The following MARCHF1 variants were observed in gnomAD, a reference collection of about 807,000 sequenced individuals.
MARCHF1 encodes E3 ubiquitin-protein ligase MARCHF1.
Under a neutral mutation model 54.2 loss-of-function variants are expected in MARCHF1, and 40 were observed. The ratio of observed to expected loss-of-function variants is 0.74; its 90% CI spans 0.57 to 0.96. MARCHF1 has a LOEUF of 0.96. Among genes scored for constraint, MARCHF1 ranks in the 40% least tolerant of loss-of-function variants. The pLI is 0.00. For synonymous variants in MARCHF1, 236 were observed against 236.3 expected (o/e 1.00, Z 0.01); for missense variants, 586 against 656.5 (o/e 0.89, Z 1.17).
chr4:163,743,639 C>T (rs958701845), intron 4 of MARCHF1, among the ~76,000 whole-genome samples: 1 of 143,420 alleles, frequency 7.0e-6, no homozygotes, highest in Middle Eastern at 3.9e-3. Flanking sequence ...AGGGCAGTGG[C>T]GCGATCTGGG....
At chr4:164,217,501 A>T (rs1362805052) in intron 1 of MARCHF1, among the ~76,000 whole-genome samples, 1 of 152,354 alleles carries the variant, frequency 6.6e-6, no homozygotes, top group African/African-American at 2.4e-5. Context: ...AGGATGGCCA[A>T]TTAGGGAGGG....
chr4:164,101,632 C>A (rs556273686), intron 2 of MARCHF1, among the ~76,000 whole-genome samples: 2 of 127,404 alleles, frequency 1.6e-5, no homozygotes, highest in South Asian at 5.8e-4. Context: ...TCATCAAAGA[C>A]CAAAAGTAGA....
At chr4:164,029,993 A>G (rs967891070) in intron 2 of MARCHF1, among the ~76,000 whole-genome samples, 1 of 152,232 alleles carries the variant, frequency 6.6e-6, no homozygotes, top group African/African-American at 2.4e-5. Context: ...ATTTGCAAGT[A>G]AAAAATTGAC....
At chr4:164,180,866 A>T (rs746076604) in intron 1 of MARCHF1, among the ~76,000 whole-genome samples, 1 of 152,278 alleles carries the variant, frequency 6.6e-6, no homozygotes, top group East Asian at 1.9e-4. Context: ...CCATTGCTCT[A>T]GTCCAACCTG....
intron 1 of MARCHF1, among the ~76,000 whole-genome samples, chr4:164,123,743 C>T (rs1756124435): frequency 6.6e-6 from 1 of 152,078 alleles, no homozygotes; most frequent in South Asian, 2.1e-4. Flanking sequence ...ACTGGATATT[C>T]ATATGCAGAA....
chr4:164,238,281 A>AAGTAAAT lies in MARCHF1; in HGVS notation c.-322-126626_-322-126620dup, dbSNP rs147364937. The stretch of plus-strand genomic sequence containing the variant: ...CCCATTCCTCTCTACTCCAGTGGTG[A>AAGTAAAT]AGTAAATATTAGAATAGACAAAGAG... On this transcript the variant is annotated intron_variant, in intron 1 of 9. Coordinates refer to ENST00000514618, the MANE Select transcript of MARCHF1 (RefSeq NM_001394959.1). Among the ~76,000 whole-genome samples, 1,424 of 152,168 alleles carry AAGTAAAT rather than the reference A, an allele frequency of 9.4e-3. 23 individuals carry two copies. Among genetic ancestry groups the AAGTAAAT allele is most frequent in the African/African-American group, 0.033 (1,358 of 41,546 alleles).
intron 2 of MARCHF1, among the ~76,000 whole-genome samples, chr4:164,080,891 A>G (rs1213229196): frequency 6.6e-6 from 1 of 152,070 alleles, no homozygotes; most frequent in Admixed American, 6.6e-5. Context: ...AGAGGGCTAA[A>G]CTAGATAAAT....
chr4:163,822,467 T>C (rs1372103657), intron 4 of MARCHF1, among the ~76,000 whole-genome samples: 1 of 151,944 alleles, frequency 6.6e-6, no homozygotes, highest in Admixed American at 6.6e-5. Context: ...TATAATAAAA[T>C]GTGACTCCTT....
At chr4:164,188,606 G>A (rs528085415) in intron 1 of MARCHF1, 2 of 882,060 alleles carry the variant, frequency 2.3e-6, no homozygotes, top group Admixed American at 1.7e-5. Context: ...ATATCTGATC[G>A]GCGATGCCGC....
chr4:163,711,304 T>A (rs1283262554), intron 4 of MARCHF1, among the ~76,000 whole-genome samples: 1 of 152,216 alleles, frequency 6.6e-6, no homozygotes, highest in Admixed American at 6.5e-5. Context: ...AGTTTTAAGA[T>A]CTTTATTTTT....
intron 5 of MARCHF1, among the ~76,000 whole-genome samples, chr4:163,653,587 A>G (rs1743043721): frequency 6.6e-6 from 1 of 151,702 alleles, no homozygotes; most frequent in Non-Finnish European, 1.5e-5. Flanking sequence ...TTTAGGACAT[A>G]TGCTGAAGGA....
At chr4:163,655,636 AATTG>A (rs879691253) in intron 5 of MARCHF1, among the ~76,000 whole-genome samples, 1 of 151,942 alleles carries the variant, frequency 6.6e-6, no homozygotes, top group Non-Finnish European at 1.5e-5. Flanking sequence ...CTTACTCTAA[AATTG>A]ATTGCCTAAT....
At chr4:163,885,746 T>G (rs1459735906) in intron 3 of MARCHF1, among the ~76,000 whole-genome samples, 1 of 151,908 alleles carries the variant, frequency 6.6e-6, no homozygotes, top group African/African-American at 2.4e-5. Context: ...ATCCCATATA[T>G]GGCTTATTAT....
intron 4 of MARCHF1, among the ~76,000 whole-genome samples, chr4:163,814,046 G>C (rs886750583): frequency 2.6e-5 from 4 of 152,048 alleles, no homozygotes; most frequent in Non-Finnish European, 5.9e-5. Flanking sequence ...AGGTTTGCTG[G>C]GTCCTTGCTC....
chr4:163,721,097 G>T (rs925580537), intron 4 of MARCHF1, among the ~76,000 whole-genome samples: 13 of 152,260 alleles, frequency 8.5e-5, no homozygotes, highest in Non-Finnish European at 1.5e-4. Flanking sequence ...GGGCATCCCT[G>T]TATTGTGCCG....
intron 3 of MARCHF1, among the ~76,000 whole-genome samples, chr4:163,959,334 A>AC (rs1752294701): frequency 4.6e-5 from 5 of 108,284 alleles, no homozygotes; most frequent in Admixed American, 2.7e-4. Context: ...CAACAACAAA[A>AC]AAAAAAAACA....
chr4:164,332,614 C>T (rs533740529), intron 1 of MARCHF1, among the ~76,000 whole-genome samples: 1 of 122,000 alleles, frequency 8.2e-6, no homozygotes, highest in Non-Finnish European at 2.0e-5. Flanking sequence ...AGTTTTACTG[C>T]ATTTCAAATT....
At chr4:164,007,632 C>A (rs192880845) in intron 2 of MARCHF1, among the ~76,000 whole-genome samples, 9 of 92,254 alleles carry the variant, frequency 9.8e-5, no homozygotes, top group Non-Finnish European at 2.0e-4. Context: ...GAATTTATTT[C>A]TCTCTCTCTC....
At chr4:163,562,084 G>T (rs905320827) in intron 8 of MARCHF1, among the ~76,000 whole-genome samples, 1 of 152,012 alleles carries the variant, frequency 6.6e-6, no homozygotes, top group Non-Finnish European at 1.5e-5. Flanking sequence ...ATCACCTGAG[G>T]TCAGGAGTTT....
Sources: allele counts gnomAD v4.1 joint callset (sites outside exome capture counted in the v4.1 genomes callset), GRCh38; gene constraint gnomAD v4.1.1; transcripts MANE v1.5; gene names NCBI Gene and HGNC (gene_info 2026-07-23, HGNC 2026-07-21).